Variants in DNAJC5B observed in about 807,000 individuals in gnomAD.
DNAJC5B encodes DnaJ heat shock protein family (Hsp40) member C5 beta.
A neutral mutation model predicts 24.7 loss-of-function variants in DNAJC5B; 23 were observed. The ratio of observed to expected loss-of-function variants is 0.93; its 90% CI spans 0.67 to 1.32. The LOEUF is 1.32. Ranked by LOEUF, DNAJC5B falls within the 40% of genes most tolerant of loss-of-function variation. The probability of loss-of-function intolerance (pLI) is 0.00; values close to 1 mark genes in which losing one functional copy is unlikely to be tolerated. For synonymous variants in DNAJC5B, 101 were observed against 90.1 expected (o/e 1.12, Z -0.68); for missense variants, 238 against 240.8 (o/e 0.99, Z 0.08).
chr8:66,017,388 T>C (rs1805983064), upstream of DNAJC5B, among the ~76,000 whole-genome samples: 1 of 152,228 alleles, frequency 6.6e-6, no homozygotes, highest in Non-Finnish European at 1.5e-5. Context: ...GAAAATGTTA[T>C]GATTTTGTTT....
intron 2 of DNAJC5B, among the ~76,000 whole-genome samples, chr8:66,051,153 TA>T: frequency 6.6e-6 from 1 of 152,324 alleles, no homozygotes; most frequent in South Asian, 2.1e-4. Context: ...CATTGCTGGC[TA>T]AATTTGGAAA....
intron 5 of DNAJC5B, among the ~76,000 whole-genome samples, chr8:66,094,691 T>C (rs1807913280): frequency 6.6e-6 from 1 of 152,072 alleles, no homozygotes; most frequent in African/African-American, 2.4e-5. Flanking sequence ...CCAAGACTAC[T>C]AGTAAAATGT....
intron 1 of DNAJC5B, among the ~76,000 whole-genome samples, chr8:66,041,672 A>C (rs1222803616): frequency 6.6e-6 from 1 of 152,242 alleles, no homozygotes; most frequent in Non-Finnish European, 1.5e-5. Context: ...TGCTTTTACA[A>C]TACATTTAGT....
intron 3 of DNAJC5B, among the ~76,000 whole-genome samples, chr8:66,066,831 C>T (rs769971964): frequency 2.0e-5 from 3 of 152,092 alleles, no homozygotes; most frequent in African/African-American, 4.8e-5. Flanking sequence ...TCCATGTAAC[C>T]AAAAACCACC....
At position 66,076,642 on chromosome 8, in the gene DNAJC5B, T is replaced by G. The variant is rs1239626837; in HGVS notation, c.120-18T>G. The G allele has an allele frequency of 1.9e-6, 3 of 1,613,278 alleles. No homozygotes were observed. Among genetic ancestry groups the G allele is most frequent in the African/African-American group, 1.3e-5 (1 of 74,910 alleles). ...TGTCAAATAACACACTCTCCTTGTT[T>G]TTCTTTTATTTTAAAAGAAAATTGG... On this transcript the variant is annotated intron_variant, in intron 3 of 5. Transcript: ENST00000276570.
intron 5 of DNAJC5B, among the ~76,000 whole-genome samples, chr8:66,095,522 TTA>T (rs1807932056): frequency 6.6e-6 from 1 of 151,916 alleles, no homozygotes. Context: ...TCTTTCTTTC[TTA>T]TTTCTCAGTT....
At chr8:66,051,005 A>G (rs1806833056) in intron 2 of DNAJC5B, among the ~76,000 whole-genome samples, 1 of 152,218 alleles carries the variant, frequency 6.6e-6, no homozygotes, top group Non-Finnish European at 1.5e-5. Context: ...TTTCACATAC[A>G]TATATAATAT....
intron 1 of DNAJC5B, among the ~76,000 whole-genome samples, chr8:66,027,768 G>A (rs530311089): frequency 2.7e-4 from 41 of 152,112 alleles, no homozygotes; most frequent in African/African-American, 9.2e-4. Context: ...CTCCCTCCCC[G>A]CATCAAGCTT....
intron 5 of DNAJC5B, among the ~76,000 whole-genome samples, chr8:66,092,230 T>G (rs1764857245): frequency 6.6e-6 from 1 of 152,206 alleles, no homozygotes; most frequent in South Asian, 2.1e-4. Flanking sequence ...AAGATTTGAC[T>G]AGAAAAAGAA....
intron 2 of DNAJC5B, among the ~76,000 whole-genome samples, chr8:66,044,573 A>G (rs148482671): frequency 3.2e-4 from 49 of 152,298 alleles, no homozygotes; most frequent in African/African-American, 1.1e-3. Flanking sequence ...ACTTTGAGTC[A>G]GTGCCTATTG....
intron 2 of DNAJC5B, among the ~76,000 whole-genome samples, chr8:66,045,025 G>C (rs1362049457): frequency 1.3e-5 from 2 of 152,116 alleles, no homozygotes; most frequent in African/African-American, 2.4e-5. Context: ...GTCATTAAAG[G>C]TTTCAATGTA....
At chr8:66,039,163 G>A (rs977959410) in intron 1 of DNAJC5B, among the ~76,000 whole-genome samples, 1 of 152,040 alleles carries the variant, frequency 6.6e-6, no homozygotes, top group Admixed American at 6.6e-5. Context: ...CAGTCCCCTG[G>A]AATTACAAGC....
chr8:66,048,800 C>T lies in DNAJC5B; in HGVS notation c.-17-2731C>T, dbSNP rs568832133. On this transcript the variant is annotated intron_variant, in intron 2 of 5. Transcript: ENST00000276570. ...CAGAAGCAAGTGGTAGTGTTGCTTT[C>T]GGTTCAGGCTTCACCTTTTCTGCGA... Among the ~76,000 whole-genome samples, 8 of 152,296 alleles carry T rather than the reference C, an allele frequency of 5.3e-5. No individual in the cohort carries two copies. In the South Asian group the frequency reaches 8.3e-4, roughly 16 times the overall value.
At chr8:66,052,853 C>T (rs1806881544) in intron 3 of DNAJC5B, among the ~76,000 whole-genome samples, 1 of 152,128 alleles carries the variant, frequency 6.6e-6, no homozygotes, top group African/African-American at 2.4e-5. Context: ...TGGACCTTAA[C>T]CACCTTCTGG....
Position 66,026,345 on chromosome 8 carries a change from G to A in DNAJC5B, c.-142+4640G>A, listed in dbSNP as rs538190964. On this transcript the variant is annotated intron_variant, in intron 1 of 5. Coordinates refer to ENST00000276570, the MANE Select transcript of DNAJC5B (RefSeq NM_033105.6). Reference sequence around the variant, plus strand: ...TGGGCTGAGACGATGGGGTTTTTGCGGTTTTGAAGTTTCAAATCTCTCCAG... The same window carrying A: ...TGGGCTGAGACGATGGGGTTTTTGCAGTTTTGAAGTTTCAAATCTCTCCAG... Among the ~76,000 whole-genome samples the A allele has an allele frequency of 2.8e-4, 43 of 152,178 alleles. 1 individual carries two copies. The highest frequency in any genetic ancestry group is 6.8e-3 in the Middle Eastern group (2 of 294).
At chr8:66,038,953 T>C (rs1280796598) in intron 1 of DNAJC5B, among the ~76,000 whole-genome samples, 1 of 152,234 alleles carries the variant, frequency 6.6e-6, no homozygotes, top group African/African-American at 2.4e-5. Flanking sequence ...ATTCTGAGCT[T>C]TACTTAACCA....
chr8:66,062,641 T>C (rs1019924505), intron 3 of DNAJC5B, among the ~76,000 whole-genome samples: 5 of 152,176 alleles, frequency 3.3e-5, no homozygotes, highest in Non-Finnish European at 7.3e-5. Flanking sequence ...AAGATCTAGC[T>C]CTTCCTTGGC....
chr8:66,078,549 G>T (rs189307477), intron 4 of DNAJC5B, among the ~76,000 whole-genome samples: 5 of 152,224 alleles, frequency 3.3e-5, no homozygotes, highest in Admixed American at 2.6e-4. Context: ...AAAAGAAAAA[G>T]TTCAGAGAAG....
At chr8:66,046,596 C>T (rs1377298134) in intron 2 of DNAJC5B, among the ~76,000 whole-genome samples, 1 of 152,226 alleles carries the variant, frequency 6.6e-6, no homozygotes. Context: ...CCTGTGTGAA[C>T]CTGGGCAAGT....
Sources: allele counts gnomAD v4.1 joint callset (sites outside exome capture counted in the v4.1 genomes callset), GRCh38; gene constraint gnomAD v4.1.1; transcripts MANE v1.5; gene names NCBI Gene and HGNC (gene_info 2026-07-23, HGNC 2026-07-21).